DNAH12: variants seen among roughly 807,000 people sequenced by gnomAD.
DNAH12 encodes dynein axonemal heavy chain 12.
A neutral mutation model predicts 371.5 loss-of-function variants in DNAH12; 285 were observed. The ratio of observed to expected loss-of-function variants is 0.77; its 90% confidence interval spans 0.70 to 0.85. The LOEUF (loss-of-function observed/expected upper bound fraction) is 0.85. DNAH12 is among the 40% of genes least tolerant of loss of function. The pLI is 0.00. For missense variants in DNAH12, 3,611 were observed against 3,689.4 expected, an observed-to-expected ratio of 0.98 and a Z score of 0.55; for synonymous variants, 1,200 against 1,213.0, an observed-to-expected ratio of 0.99 and a Z score of 0.22.
chr3:57,475,930 G>C (rs947625971), intron 13 of DNAH12, among the ~76,000 whole-genome samples: 2 of 152,200 alleles, frequency 1.3e-5, no homozygotes, highest in African/African-American at 4.8e-5. Flanking sequence ...ATGAATGAAT[G>C]TGTGCACTGG....
At chr3:57,408,681 T>C in intron 39 of DNAH12, 146 bp from the exon 40 acceptor site, 1 of 1,080,296 alleles carries the variant, frequency 9.3e-7, no homozygotes, top group Non-Finnish European at 1.2e-6. Flanking sequence ...GGAGAGAAAT[T>C]TTTTTTAAAG....
At chr3:57,508,203 A>C (rs1189732603) in intron 7 of DNAH12, among the ~76,000 whole-genome samples, 179 bp downstream of exon 7, 5 of 119,890 alleles carry the variant, frequency 4.2e-5, no homozygotes, top group East Asian at 2.2e-4. Flanking sequence ...AAAAAAACAA[A>C]AAAAAAAAAA....
chr3:57,483,691 A>G (rs1207959702), intron 12 of DNAH12, among the ~76,000 whole-genome samples, 180 bp from the exon 13 acceptor site: 2 of 152,104 alleles, frequency 1.3e-5, no homozygotes, highest in African/African-American at 4.8e-5. Flanking sequence ...CACACCTGTA[A>G]TCATAGCACT....
chr3:57,505,270 A>C (rs1575700636), intron 8 of DNAH12, among the ~76,000 whole-genome samples: 2 of 106,254 alleles, frequency 1.9e-5, no homozygotes, highest in Non-Finnish European at 3.6e-5. Context: ...TTCTCCCACT[A>C]CCTTTCCCAG....
In DNAH12 at chr3:57,449,423, C is replaced by G. The variant is rs11927060; in HGVS notation, c.3787-2734G>C. The stretch of plus-strand genomic sequence containing the variant: ...TGGTGCTCCTCAGGGAGGCTCCGGC[C>G]GCACAGGAGCCCATGGAGTGGGTGG... On this transcript the variant is annotated intron_variant, in intron 25 of 73. Transcript: ENST00000495027. Among the ~76,000 whole-genome samples, 5 of 152,112 alleles carry G rather than the reference C, an allele frequency of 3.3e-5. No homozygotes were observed. In the East Asian group the frequency reaches 7.8e-4, roughly 24 times the overall value.
At chr3:57,482,514 C>T (rs1192161363) in intron 13 of DNAH12, among the ~76,000 whole-genome samples, 11 of 151,988 alleles carry the variant, frequency 7.2e-5, no homozygotes, top group Non-Finnish European at 1.2e-4. Context: ...TTCAGTGTGG[C>T]GATTCCTCAG....
At chr3:57,344,492 AT>A (rs1175671573) in intron 60 of DNAH12, among the ~76,000 whole-genome samples, 2 of 151,960 alleles carry the variant, frequency 1.3e-5, no homozygotes, top group African/African-American at 4.8e-5. Context: ...CTGCACCCTG[AT>A]TTTTTTTGGT....
rs1344389263 is a variant in DNAH12 at position 57,293,774 on chromosome 3, G to A, written c.*7C>T. 4.0e-6 allele frequency: 6 copies of A among 1,489,734 alleles called. No individual in the cohort carries two copies. In the African/African-American group the frequency reaches 5.8e-5, roughly 14 times the overall value. The allele number at this position is 1,489,734 out of a possible 1,614,324, so 92.3% of individuals were successfully genotyped here. ...AAACTTTTGGATGTTTTATAAATTT[G>A]TCCAATTTAGTCATCCAACTGACAA... On this transcript the variant is annotated 3_prime_UTR_variant, in exon 74 of 74. Transcript: ENST00000495027.
chr3:57,297,170 G>C (rs542342832), intron 70 of DNAH12, 186 bp from the exon 71 acceptor site: 87 of 582,712 alleles, frequency 1.5e-4, no homozygotes, highest in Non-Finnish European at 2.5e-4. Flanking sequence ...TACTCTTCTT[G>C]GAAAACTCAG....
chr3:57,523,136 A>G (rs1197736183), intron 4 of DNAH12, among the ~76,000 whole-genome samples: 1 of 152,142 alleles, frequency 6.6e-6, no homozygotes, highest in South Asian at 2.1e-4. Flanking sequence ...TATTTCTAGC[A>G]ATTTGATAGG....
At chr3:57,383,515 C>G (rs2063438489) in intron 49 of DNAH12, among the ~76,000 whole-genome samples, 1 of 151,814 alleles carries the variant, frequency 6.6e-6, no homozygotes, top group African/African-American at 2.4e-5. Context: ...CTTTGTCAAA[C>G]TAAGTAGCTG....
At chr3:57,313,332 C>T (rs933443800) in intron 66 of DNAH12, among the ~76,000 whole-genome samples, 3 of 152,000 alleles carry the variant, frequency 2.0e-5, no homozygotes, top group African/African-American at 7.2e-5. Flanking sequence ...CCTGTCTCTA[C>T]AAAATACGTT....
intron 25 of DNAH12, among the ~76,000 whole-genome samples, chr3:57,450,707 T>G (rs1484587284): frequency 6.6e-6 from 1 of 152,236 alleles, no homozygotes; most frequent in African/African-American, 2.4e-5. Context: ...TGTGTCCTTG[T>G]TCAGCACTAG....
intron 27 of DNAH12, 91 bp downstream of exon 27, chr3:57,445,940 A>G: frequency 7.9e-7 from 1 of 1,261,526 alleles, no homozygotes; most frequent in Non-Finnish European, 1.0e-6. Flanking sequence ...GTGAGCCAAG[A>G]TCGCGCCACT....
At chr3:57,336,639 T>C (rs1460264561) in intron 60 of DNAH12, among the ~76,000 whole-genome samples, 3 of 152,076 alleles carry the variant, frequency 2.0e-5, no homozygotes, top group African/African-American at 7.2e-5. Flanking sequence ...TAAAGAACAA[T>C]AGAAATGGTA....
At chr3:57,510,321 T>C (rs1383891957) in intron 5 of DNAH12, among the ~76,000 whole-genome samples, 2 of 152,122 alleles carry the variant, frequency 1.3e-5, no homozygotes, top group African/African-American at 4.8e-5. Context: ...ATAAAAACTT[T>C]AAATAAAAAT....
At chr3:57,319,036 A>G (rs1259221725) in intron 65 of DNAH12, among the ~76,000 whole-genome samples, 1 of 151,972 alleles carries the variant, frequency 6.6e-6, no homozygotes, top group Non-Finnish European at 1.5e-5. Context: ...GTCTTCTTTA[A>G]CTTATTGCAT....
At chr3:57,309,977 T>A in intron 67 of DNAH12, 123 bp from the exon 68 acceptor site, 1 of 732,584 alleles carries the variant, frequency 1.4e-6, no homozygotes, top group Non-Finnish European at 2.0e-6. Flanking sequence ...AGCCAATTAA[T>A]AATTAACAGA....
intron 34 of DNAH12, among the ~76,000 whole-genome samples, chr3:57,426,146 T>C (rs2064761294): frequency 6.6e-6 from 1 of 152,092 alleles, no homozygotes; most frequent in African/African-American, 2.4e-5. Context: ...GAAATGGAGA[T>C]GTGAGCAGAC....
Sources: gnomAD v4.1 joint callset for allele counts (sites outside exome capture counted in the v4.1 genomes callset) on GRCh38, gnomAD v4.1.1 for gene constraint, MANE v1.5 for transcripts, NCBI Gene and HGNC (gene_info 2026-07-23, HGNC 2026-07-21) for gene names.